The following WDR27 variants were observed in gnomAD, a reference collection of about 807,000 sequenced individuals.
The protein encoded by WDR27 is WD repeat domain 27, also known as WD repeat-containing protein 27.
WDR27 carries 100 observed loss-of-function variants against 114.4 expected under a neutral mutation model. The observed-to-expected ratio is 0.87, with a 90% CI of 0.74 to 1.03. The LOEUF is 1.03. Ranked by LOEUF, WDR27 falls within the 50% of genes least tolerant of loss-of-function variation. The pLI, the probability that WDR27 is intolerant of heterozygous loss-of-function variation, is 0.00. For synonymous variants in WDR27, 449 were observed against 423.1 expected (o/e 1.06, Z -0.75); for missense variants, 1,129 against 1,092.9 (o/e 1.03, Z -0.47).
At chr6:169,691,084 G>A (rs913732704) in intron 1 of WDR27, among the ~76,000 whole-genome samples, 3 of 152,062 alleles carry the variant, frequency 2.0e-5, no homozygotes, top group South Asian at 2.1e-4. Context: ...GTGTGGTGGC[G>A]GGCACCTGTG....
intron 25 of WDR27, among the ~76,000 whole-genome samples, chr6:169,509,937 AG>A (rs1282858098): frequency 2.5e-4 from 38 of 152,350 alleles, no homozygotes; most frequent in Admixed American, 2.6e-4. Context: ...TTTACAAGAA[AG>A]AAACAAACAA....
intron 21 of WDR27, among the ~76,000 whole-genome samples, chr6:169,628,377 G>A (rs1815404283): frequency 6.6e-6 from 1 of 152,120 alleles, no homozygotes; most frequent in African/African-American, 2.4e-5. Flanking sequence ...TCCACATTTG[G>A]AGCCTCATGC....
chr6:169,542,572 A>C (rs1796959695), intron 25 of WDR27, among the ~76,000 whole-genome samples: 2 of 152,160 alleles, frequency 1.3e-5, no homozygotes, highest in African/African-American at 4.8e-5. Flanking sequence ...ATGGTGACAA[A>C]GCATTTTTAA....
intron 25 of WDR27, chr6:169,560,033 T>C (rs1799467867): frequency 6.6e-6 from 1 of 152,166 alleles, no homozygotes; most frequent in Non-Finnish European, 1.5e-5. Flanking sequence ...TCAGTGCAAG[T>C]AAATGTTTAA....
At chr6:169,687,503 T>C (rs1178514328) in intron 2 of WDR27, among the ~76,000 whole-genome samples, 1 of 152,126 alleles carries the variant, frequency 6.6e-6, no homozygotes, top group Non-Finnish European at 1.5e-5. Flanking sequence ...AATCACAGAA[T>C]TACTAATTAT....
chr6:169,664,801 T>C (rs1827314480), intron 7 of WDR27: 1 of 995,360 alleles, frequency 1.0e-6, no homozygotes, highest in Non-Finnish European at 1.2e-6. Flanking sequence ...GCCAACATCT[T>C]CAGGTTTTTC....
intron 21 of WDR27, among the ~76,000 whole-genome samples, chr6:169,615,995 A>G (rs749058772): frequency 1.3e-5 from 2 of 152,030 alleles, no homozygotes; most frequent in Non-Finnish European, 2.9e-5. Context: ...AGGCGCAAAC[A>G]GCACACGCGA....
intron 21 of WDR27, among the ~76,000 whole-genome samples, chr6:169,626,745 G>A (rs1562738294): frequency 1.3e-5 from 2 of 152,194 alleles, no homozygotes; most frequent in Non-Finnish European, 2.9e-5. Context: ...CTTCCTTGCC[G>A]AAATGGTCAC....
chr6:169,535,164 G>A (rs1477050976), intron 25 of WDR27, among the ~76,000 whole-genome samples: 1 of 152,100 alleles, frequency 6.6e-6, no homozygotes, highest in South Asian at 2.1e-4. Context: ...GGCTAAAAAT[G>A]GAATCAGGTG....
intron 23 of WDR27, among the ~76,000 whole-genome samples, chr6:169,600,695 A>G (rs907144582): frequency 2.6e-5 from 4 of 152,228 alleles, no homozygotes; most frequent in Non-Finnish European, 4.4e-5. Context: ...GATTCGATCA[A>G]CTGGAAGAAA....
intron 2 of WDR27, among the ~76,000 whole-genome samples, chr6:169,683,679 C>T (rs1419525263): frequency 6.6e-6 from 1 of 152,158 alleles, no homozygotes; most frequent in Non-Finnish European, 1.5e-5. Context: ...CCTCTGTAGC[C>T]CCAACTCCCC....
In WDR27 at chr6:169,633,060, G is replaced by A; in HGVS notation, c.2110C>T (p.Leu704Phe). ...AVNDFYSHIVLAAGRNRTVEV... is the reference protein window; with the variant it reads ...AVNDFYSHIVFAAGRNRTVEV... ...ACGGTCCTGTTCCGGCCAGCTGCGAGTACGATGTCTGCGATAATCCAGTTA... is the reference window on the plus strand; with the variant it reads ...ACGGTCCTGTTCCGGCCAGCTGCGAATACGATGTCTGCGATAATCCAGTTA... Residue 704 changes from leucine to phenylalanine, a missense_variant, in exon 21 of 26, where the codon CTC becomes TTC. By Grantham distance (22) the Leu-to-Phe change is conservative. Transcript: ENST00000448612. The A allele has an allele frequency of 6.3e-7, 1 of 1,581,110 alleles. No homozygotes were observed. The highest frequency in any genetic ancestry group is 8.7e-7 in the Non-Finnish European group (1 of 1,154,312).
At chr6:169,478,547 G>A (rs149290033) in intron 25 of WDR27, among the ~76,000 whole-genome samples, 21 of 151,436 alleles carry the variant, frequency 1.4e-4, no homozygotes, top group Admixed American at 5.3e-4. Flanking sequence ...AACTCTAGAT[G>A]TTTAAATGCC....
intron 25 of WDR27, among the ~76,000 whole-genome samples, chr6:169,564,745 T>C (rs1030683418): frequency 3.3e-5 from 5 of 152,080 alleles, no homozygotes; most frequent in Non-Finnish European, 7.4e-5. Context: ...GGAGTGGCCC[T>C]GACTTCTCTT....
At chr6:169,599,492 A>G (rs1807505926) in intron 23 of WDR27, among the ~76,000 whole-genome samples, 1 of 151,892 alleles carries the variant, frequency 6.6e-6, no homozygotes, top group Admixed American at 6.6e-5. Context: ...GTCTTGGGAG[A>G]GTGTACGTGT....
Position 169,611,306 on chromosome 6 carries a change from C to T in WDR27, c.2321+2253G>A, listed in dbSNP as rs1278365041. 3.8e-5 allele frequency among the ~76,000 whole-genome samples: 5 copies of T among 132,216 alleles called. No homozygotes were observed. The East Asian group carries it at 8.8e-4, about 23-fold the overall frequency. The allele number at this position is 132,216 out of a possible 152,430, so 86.7% of individuals were successfully genotyped here. ...TAGTTTACTGTAACTTTTTTACTTA[C>T]TTTTTTTTTTTTTTTTTGAGACAGA... On this transcript the variant is annotated intron_variant, in intron 22 of 25. Transcript: ENST00000448612.
At chr6:169,438,527 G>T in the WDR27 span, among the ~76,000 whole-genome samples, 1 of 152,068 alleles carries the variant, frequency 6.6e-6, no homozygotes, top group Non-Finnish European at 1.5e-5. Flanking sequence ...GTGAGCCACC[G>T]CACCCAGCCA....
chr6:169,442,562 C>A, the WDR27 span, among the ~76,000 whole-genome samples: 1 of 152,194 alleles, frequency 6.6e-6, no homozygotes, highest in Non-Finnish European at 1.5e-5. Context: ...TTTTCACCCT[C>A]CACAAACAAT....
intron 23 of WDR27, among the ~76,000 whole-genome samples, chr6:169,583,497 ATATATATG>A (rs1175742927): frequency 0.027 from 665 of 24,758 alleles, 6 homozygotes; most frequent in Middle Eastern, 0.21. Flanking sequence ...ACATATATAT[ATATATATG>A]TATATATACA....
Sources: allele counts gnomAD v4.1 joint callset (sites outside exome capture counted in the v4.1 genomes callset), GRCh38; gene constraint gnomAD v4.1.1; transcripts MANE v1.5; gene names NCBI Gene and HGNC (gene_info 2026-07-23, HGNC 2026-07-21).